The following MGAT4B variants were observed in gnomAD, a reference collection of about 807,000 sequenced individuals.
The protein encoded by MGAT4B is alpha-1,3-mannosyl-glycoprotein 4-beta-N-acetylglucosaminyltransferase B.
Under a neutral mutation model 73.9 loss-of-function variants are expected in MGAT4B, and 38 were observed. The observed-to-expected ratio is 0.51, with a 90% CI of 0.40 to 0.67. The LOEUF is 0.67. Among genes scored for constraint, MGAT4B ranks in the 30% least tolerant of loss-of-function variants. The pLI, the probability that MGAT4B is intolerant of heterozygous loss-of-function variation, is 0.00. For missense variants in MGAT4B, 686 were observed against 735.2 expected, an observed-to-expected ratio of 0.93 and a Z score of 0.77; for synonymous variants, 373 against 313.5, an observed-to-expected ratio of 1.19 and a Z score of -2.01.
At position 179,806,349 on chromosome 5, in the gene MGAT4B, G is replaced by A. The variant is rs1581984356; in HGVS notation, c.97+138C>T. 3.7e-6 allele frequency: 1 copy of A among 272,678 alleles called. No individual in the cohort carries two copies. The allele number at this position is 272,678 out of a possible 1,614,324, so 16.9% of individuals were successfully genotyped here. On this transcript the variant is annotated intron_variant, in intron 1 of 14. Coordinates refer to ENST00000292591, the MANE Select transcript of MGAT4B (RefSeq NM_014275.5). This position sits in a 1 kb window ranked among gnomAD's most constrained non-coding sequence, Gnocchi z 4.6. ...AGCAAACAAGTGGGGGAGGGTGGGA[G>A]GGGCGTCCTCGCGCCGCCCGGGCGG...
chr5:179,800,797 T>A, intron 5 of MGAT4B, 110 bp downstream of exon 5: 7 of 1,218,030 alleles, frequency 5.7e-6, no homozygotes, highest in Non-Finnish European at 8.1e-6. Flanking sequence ...GGTCCCTGCC[T>A]CCCCACGAGA....
Position 179,797,927 on chromosome 5 carries a change from A to ACGCCAGGCAGAACC in MGAT4B, c.*104_*117dup. Reference sequence around the variant, plus strand: ...CGGACCCCAGGCCGGCCCAAGCCCGACGCCAGGCAGAACCCTTTGGGCGGG... The same window carrying ACGCCAGGCAGAACC: ...CGGACCCCAGGCCGGCCCAAGCCCGACGCCAGGCAGAACCCGCCAGGCAGAACCCTTTGGGCGGG... On this transcript the variant is annotated 3_prime_UTR_variant, in exon 15 of 15. Transcript: ENST00000292591. 2.1e-6 allele frequency: 3 copies of ACGCCAGGCAGAACC among 1,422,954 alleles called. No homozygotes were observed. In the South Asian group the frequency reaches 3.7e-5, roughly 18 times the overall value. The allele number at this position is 1,422,954 out of a possible 1,614,324, so 88.1% of individuals were successfully genotyped here.
chr5:179,799,715 C>T, intron 8 of MGAT4B, 79 bp from the exon 9 acceptor site: 1 of 1,597,076 alleles, frequency 6.3e-7, no homozygotes, highest in South Asian at 1.1e-5. Flanking sequence ...AGTCCCACAG[C>T]AAACCCAGGG....
At chr5:179,802,732 G>T (rs1756999395) in intron 1 of MGAT4B, 15 of 985,598 alleles carry the variant, frequency 1.5e-5, no homozygotes, top group Non-Finnish European at 1.7e-5. Flanking sequence ...CAGCACAGAG[G>T]TGGGGCTGCC....
At chr5:179,803,345 G>T in intron 1 of MGAT4B, 1 of 887,642 alleles carries the variant, frequency 1.1e-6, no homozygotes, top group Non-Finnish European at 1.3e-6. Context: ...TCCACGCTGG[G>T]CTCAGGGGCT....
At chr5:179,798,675 G>A in intron 11 of MGAT4B, 84 bp from the exon 12 acceptor site, 4 of 1,458,734 alleles carry the variant, frequency 2.7e-6, no homozygotes, top group Non-Finnish European at 3.8e-6. Flanking sequence ...GGCCAGGCCT[G>A]CGCCAGGAGG....
At position 179,798,368 on chromosome 5, in the gene MGAT4B, G is replaced by A; in HGVS notation, c.1489C>T (p.Pro497Ser). Residue 497 changes from proline to serine, a missense_variant, in exon 13 of 15, where the codon CCC becomes TCC. Coordinates refer to ENST00000292591, the MANE Select transcript of MGAT4B (RefSeq NM_014275.5). ...CCACCGATCTGGAGGTAGCCGTCGG[G>A]GCTCCGAGGGTACCGGAGGGTGGCG... is the stretch of plus-strand genomic sequence containing the variant. ...RTATLRYPRS[P>S]DGYLQIGSFY... 11 of 1,613,052 alleles carry A rather than the reference G, an allele frequency of 6.8e-6. No homozygotes were observed. Among genetic ancestry groups the A allele is most frequent in the Non-Finnish European group, 9.3e-6 (11 of 1,179,994 alleles).
At position 179,801,054 on chromosome 5, in the gene MGAT4B, AG is replaced by A; in HGVS notation, c.559-102del. Reference sequence around the variant, plus strand: ...CAGGCTTCAGATGCCCCCCACGTGGAGGGAGTGAGCCTGCTGTGCTGAGGGC... The same window carrying A: ...CAGGCTTCAGATGCCCCCCACGTGGAGGAGTGAGCCTGCTGTGCTGAGGGC... On this transcript the variant is annotated intron_variant, in intron 4 of 14. Coordinates refer to ENST00000292591, the MANE Select transcript of MGAT4B (RefSeq NM_014275.5). The surrounding 1 kb of genome is among the most constrained non-coding windows in gnomAD (Gnocchi z 4.8). 1 of 1,438,226 alleles carries A rather than the reference AG, an allele frequency of 7.0e-7. No individual in the cohort carries two copies. The highest frequency in any genetic ancestry group is 1.8e-5 in the Admixed American group (1 of 56,296). 89.1% of individuals were successfully genotyped at this position (1,438,226 alleles called of 1,614,324 possible).
intron 9 of MGAT4B, 68 bp from the exon 10 acceptor site, chr5:179,799,378 G>A (rs1400651733): frequency 1.9e-6 from 3 of 1,598,828 alleles, no homozygotes; most frequent in Non-Finnish European, 2.6e-6. Flanking sequence ...CTCTCCTGGG[G>A]ACTACCAGGG....
In MGAT4B at chr5:179,806,494, G is replaced by C. The variant is rs1470138280; in HGVS notation, c.90C>G (p.Gly30=). ...LSLSWYAALS[G]QKGDVVDVYQ... ...GGCGGGGGTCGCGCTCACCTTTCTG[G>C]CCGCTGAGTGCCGCGTACCAGGACA... is the stretch of plus-strand genomic sequence containing the variant. Residue 30 remains glycine, a synonymous_variant, in exon 1 of 15, where the codon GGC becomes GGG. Transcript: ENST00000292591. This position sits in a 1 kb window ranked among gnomAD's most constrained non-coding sequence, Gnocchi z 4.6. The C allele has an allele frequency of 7.6e-7, 1 of 1,309,280 alleles. No individual in the cohort carries two copies. The highest frequency in any genetic ancestry group is 1.0e-6 in the Non-Finnish European group (1 of 1,003,272). The allele number at this position is 1,309,280 out of a possible 1,614,324, so 81.1% of individuals were successfully genotyped here.
chr5:179,798,327 C>T lies in MGAT4B; in HGVS notation c.1510+20G>A, dbSNP rs1418477941. ...GTGTCCCTGAACCCCAGCCCACGCT[C>T]TCCCCCAAACCCTACCCACCGATCT... On this transcript the variant is annotated intron_variant, in intron 13 of 14. Transcript: ENST00000292591. 4.3e-6 allele frequency: 7 copies of T among 1,613,040 alleles called. No individual in the cohort carries two copies. The highest frequency in any genetic ancestry group is 1.7e-5 in the Admixed American group (1 of 60,032).
intron 11 of MGAT4B, 65 bp from the exon 12 acceptor site, chr5:179,798,656 G>A (rs1756763701): frequency 1.3e-6 from 2 of 1,559,768 alleles, no homozygotes; most frequent in Middle Eastern, 1.7e-4. Context: ...CCAGGGCCCA[G>A]CAGAGAAAGG....
rs1273546773 is a variant in MGAT4B, at chr5:179,799,972, A to G, written c.892T>C (p.Ser298Pro). 1 of 1,613,870 alleles carries G rather than the reference A, an allele frequency of 6.2e-7. No individual in the cohort carries two copies. The highest frequency in any genetic ancestry group is 8.5e-7 in the Non-Finnish European group (1 of 1,179,920). Residue 298 changes from serine (S) to proline (P), a missense_variant, in exon 8 of 15, where the codon TCC becomes CCC. Physicochemically the swap from Ser to Pro is moderately conservative, Grantham distance 74. Coordinates refer to ENST00000292591, the MANE Select transcript of MGAT4B (RefSeq NM_014275.5). ...GGCACACCAATGAAGCCCAGCTGGG[A>G]GAACTCCAGGATCATCCAGTCCTCT... ...PSEDWMILEF[S>P]QLGFIGKMFK...
In MGAT4B at chr5:179,800,067, A is replaced by G; in HGVS notation, c.797T>C (p.Leu266Pro). Residue 266 changes from leucine (L) to proline (P), a missense_variant and splice_region_variant, in exon 8 of 15, where the codon CTG (leucine) becomes CCG (proline). By Grantham distance (98) the Leu-to-Pro change is moderately conservative. Around this residue, in one of 2 missense-constraint regions of MGAT4B, gnomAD observed 449 missense variants for 536.8 expected, o/e 0.84. Transcript: ENST00000292591. ...AQSKGIYYVQ[L>P]EDDIVAKPNY... ...GGGCTTGGCCACGATGTCATCCTCC[A>G]GCTGCGAGGTGAGCAGAGAGGGGCT... is the stretch of plus-strand genomic sequence containing the variant. 6.2e-7 allele frequency: 1 copy of G among 1,613,804 alleles called. No homozygotes were observed. Among genetic ancestry groups the G allele is most frequent in the Non-Finnish European group, 8.5e-7 (1 of 1,179,794 alleles).
intron 7 of MGAT4B, 32 bp downstream of exon 7, chr5:179,800,152 C>CA: frequency 2.5e-6 from 4 of 1,612,910 alleles, no homozygotes; most frequent in Non-Finnish European, 3.4e-6. Context: ...CGGCGCAGGG[C>CA]AGGGCAGGGC....
At chr5:179,800,835 C>T (rs1054210965) in intron 5 of MGAT4B, 72 bp downstream of exon 5, 1 of 1,535,624 alleles carries the variant, frequency 6.5e-7, no homozygotes, top group African/African-American at 1.4e-5. Flanking sequence ...CATGGGGAGG[C>T]AGGAACCTGC....
At position 179,798,024 on chromosome 5, in the gene MGAT4B, G is replaced by T; in HGVS notation, c.*21C>A. The T allele has an allele frequency of 6.2e-7, 1 of 1,603,770 alleles. No individual in the cohort carries two copies. The highest frequency in any genetic ancestry group is 8.5e-7 in the Non-Finnish European group (1 of 1,175,830). ...TGTGGGCTTCAGGGCTGGCCACAGGGTACCCTCAGAAGCCCGCAGCTTAGT... is the reference window on the plus strand; with the variant it reads ...TGTGGGCTTCAGGGCTGGCCACAGGTTACCCTCAGAAGCCCGCAGCTTAGT... On this transcript the variant is annotated 3_prime_UTR_variant, in exon 15 of 15. Transcript: ENST00000292591.
chr5:179,801,843 A>C lies in MGAT4B; in HGVS notation c.224T>G (p.Val75Gly). 6.2e-7 allele frequency: 1 copy of C among 1,607,096 alleles called. No homozygotes were observed. Among genetic ancestry groups the C allele is most frequent in the South Asian group, 1.1e-5 (1 of 90,980 alleles). The change falls in exon 2 of 15, where the codon GTG becomes GGG. Residue 75 changes from valine to glycine, a missense_variant. By Grantham distance (109) the Val-to-Gly change is moderately radical (BLOSUM62 -3). Transcript: ENST00000292591. This position sits in a 1 kb window ranked among gnomAD's most constrained non-coding sequence, Gnocchi z 4.8. ...GTCTCGCAGCGCCTGCCTTTCTGAC[A>C]CGGCCCTCTTGATCTCGTCCAGCAC... ...NLVLDEIKRA[V>G]SERQALRDGD...
Position 179,801,256 on chromosome 5 carries a change from G to C in MGAT4B, c.558+78C>G, listed in dbSNP as rs1159945662. On this transcript the variant is annotated intron_variant, in intron 4 of 14. Coordinates refer to ENST00000292591, the MANE Select transcript of MGAT4B (RefSeq NM_014275.5). The surrounding 1 kb of genome is among the most constrained non-coding windows in gnomAD (Gnocchi z 4.8). ...CTGAACTTCCGACAGCTTTCTCCTC[G>C]GAATGGTTCCTGCTGTCAGTTCTGC... 1 of 1,496,364 alleles carries C rather than the reference G, an allele frequency of 6.7e-7. No individual in the cohort carries two copies. Among genetic ancestry groups the C allele is most frequent in the Admixed American group, 2.2e-5 (1 of 44,576 alleles). 92.7% of individuals were successfully genotyped at this position (1,496,364 alleles called of 1,614,324 possible).
Sources: gnomAD v4.1 joint callset for allele counts on GRCh38, gnomAD v4.1.1 for gene constraint, gnomAD v4.1.1 regional missense constraint, Gnocchi (gnomAD v3.1) non-coding constraint, MANE v1.5 for transcripts, NCBI Gene and HGNC (gene_info 2026-07-23, HGNC 2026-07-21) for gene names.